Variants in DSCAML1 observed in about 807,000 individuals in gnomAD.
DSCAML1 encodes the protein DS cell adhesion molecule like 1, also known as cell adhesion molecule DSCAML1.
Under a neutral mutation model 200.5 loss-of-function variants are expected in DSCAML1, and 38 were observed. The observed-to-expected ratio is 0.19, with a 90% confidence interval of 0.15 to 0.25. The LOEUF (loss-of-function observed/expected upper bound fraction) is 0.25, where lower values mean the gene tolerates loss of function less well. Ranked by LOEUF, DSCAML1 falls within the 10% of genes least tolerant of loss-of-function variation. The pLI is 1.00. For missense variants in DSCAML1, 2,223 were observed against 2,858.8 expected, an observed-to-expected ratio of 0.78 and a Z score of 5.07; for synonymous variants, 1,215 against 1,165.0, an observed-to-expected ratio of 1.04 and a Z score of -0.87.
intron 19 of DSCAML1, 146 bp from the exon 20 acceptor site, chr11:117,450,834 T>G: frequency 4.5e-6 from 4 of 886,614 alleles, no homozygotes; most frequent in Non-Finnish European, 6.7e-6. Context: ...AAGGGGAGGG[T>G]CCATCCAGCA....
chr11:117,511,962 G>A (rs2049628727), intron 8 of DSCAML1, among the ~76,000 whole-genome samples: 1 of 152,260 alleles, frequency 6.6e-6, no homozygotes, highest in African/African-American at 2.4e-5. Context: ...TTGGGCGTGT[G>A]CTGCTGTTCG....
At chr11:117,671,561 C>T (rs2053107807) in intron 3 of DSCAML1, among the ~76,000 whole-genome samples, 1 of 152,198 alleles carries the variant, frequency 6.6e-6, no homozygotes, top group Non-Finnish European at 1.5e-5. Flanking sequence ...GTTCCAAATG[C>T]AGCCTAACTG....
At chr11:117,543,389 T>C (rs1045806320) in intron 3 of DSCAML1, among the ~76,000 whole-genome samples, 15 of 151,860 alleles carry the variant, frequency 9.9e-5, no homozygotes, top group African/African-American at 3.1e-4. Context: ...TGTGTATCTG[T>C]GCTGGCATGT....
At chr11:117,460,378 G>C (rs1022927126) in intron 18 of DSCAML1, among the ~76,000 whole-genome samples, 2 of 152,120 alleles carry the variant, frequency 1.3e-5, no homozygotes, top group African/African-American at 4.8e-5. Context: ...ATCTGGATGG[G>C]AGAGGGGACC....
Position 117,476,185 on chromosome 11 carries a change from G to T in DSCAML1, c.2786-4149C>A, listed in dbSNP as rs115252106. On this transcript the variant is annotated intron_variant, in intron 14 of 32. Transcript: ENST00000651296. ...ATATTCTTCTTAAAAATAAGGAAGC[G>T]GCTGGGGAGATGTCAGTGCCTTCTG... Among the ~76,000 whole-genome samples, 533 of 152,228 alleles carry T rather than the reference G, an allele frequency of 3.5e-3. 6 individuals carry two copies. The highest frequency in any genetic ancestry group is 0.012 in the African/African-American group (514 of 41,536).
At chr11:117,629,610 G>A (rs896498721) in intron 3 of DSCAML1, among the ~76,000 whole-genome samples, 1 of 151,914 alleles carries the variant, frequency 6.6e-6, no homozygotes, top group African/African-American at 2.4e-5. Context: ...GGGAGAGATG[G>A]ACAGAGACAG....
chr11:117,707,724 G>A (rs1024970646), intron 3 of DSCAML1, among the ~76,000 whole-genome samples: 27 of 152,004 alleles, frequency 1.8e-4, no homozygotes, highest in Non-Finnish European at 2.8e-4. Context: ...TAGTAGAGAC[G>A]GGGTTTCACC....
chr11:117,486,910 CCTTT>C (rs1941195663), intron 11 of DSCAML1, among the ~76,000 whole-genome samples: 1 of 110,382 alleles, frequency 9.1e-6, no homozygotes, highest in East Asian at 3.3e-4. Context: ...ATGTAAAATA[CCTTT>C]TTTTTTTTTT....
intron 32 of DSCAML1, 30 bp downstream of exon 32, chr11:117,430,692 C>T: frequency 6.3e-7 from 1 of 1,581,668 alleles, no homozygotes; most frequent in South Asian, 1.2e-5. Context: ...GGCGGGGGGG[C>T]ACTGCCTGGG....
chr11:117,554,036 T>C (rs1404488853), intron 3 of DSCAML1, among the ~76,000 whole-genome samples: 2 of 152,222 alleles, frequency 1.3e-5, no homozygotes, highest in African/African-American at 4.8e-5. Flanking sequence ...TTATCCTTAG[T>C]AAAATAAGGC....
intron 16 of DSCAML1, among the ~76,000 whole-genome samples, chr11:117,467,261 AT>A (rs1214703079): frequency 7.4e-6 from 1 of 135,370 alleles, no homozygotes; most frequent in Admixed American, 8.9e-5. Context: ...ATCCAGACCC[AT>A]CAAAGCAAAC....
intron 16 of DSCAML1, among the ~76,000 whole-genome samples, chr11:117,467,518 TC>T (rs2048607950): frequency 6.6e-6 from 1 of 152,230 alleles, no homozygotes; most frequent in African/African-American, 2.4e-5. Flanking sequence ...TGTTTTTTTT[TC>T]TAGTCAATGA....
chr11:117,500,642 T>C (rs1253835638), intron 11 of DSCAML1, among the ~76,000 whole-genome samples: 1 of 152,200 alleles, frequency 6.6e-6, no homozygotes, highest in Non-Finnish European at 1.5e-5. Context: ...CTAAAGTCTG[T>C]GCTTTTAATC....
In DSCAML1 at chr11:117,649,041, A is replaced by ATATG. The variant is rs768621807; in HGVS notation, c.512-116520_512-116519insCATA. ...TCTCGCTCTCTCTCTCTCCATATATATGTGTGTGTGTGTGTGTGTGTGTGT... is the reference window on the plus strand; with the variant it reads ...TCTCGCTCTCTCTCTCTCCATATATATATGTGTGTGTGTGTGTGTGTGTGTGTGT... On this transcript the variant is annotated intron_variant, in intron 3 of 32. Transcript: ENST00000651296. 6.9e-3 allele frequency among the ~76,000 whole-genome samples: 951 copies of ATATG among 137,916 alleles called. 7 individuals carry two copies. The highest frequency in any genetic ancestry group is 0.016 in the African/African-American group (542 of 34,964). The allele number at this position is 137,916 out of a possible 152,430, so 90.5% of individuals were successfully genotyped here. A position where few individuals can be genotyped will look rare whatever the true frequency, so the allele number is the denominator to read the frequency against.
chr11:117,599,808 G>A (rs142426243), intron 3 of DSCAML1, among the ~76,000 whole-genome samples: 252 of 152,266 alleles, frequency 1.7e-3, no homozygotes, highest in Admixed American at 2.6e-3. Context: ...CAATAGCGAC[G>A]CACGCTTACT....
At chr11:117,553,059 G>T (rs2050496502) in intron 3 of DSCAML1, among the ~76,000 whole-genome samples, 1 of 152,172 alleles carries the variant, frequency 6.6e-6, no homozygotes, top group Non-Finnish European at 1.5e-5. Context: ...ATGAGATCAA[G>T]TTTCTTGAGG....
intron 4 of DSCAML1, among the ~76,000 whole-genome samples, chr11:117,528,842 G>A (rs2050023286): frequency 6.6e-6 from 1 of 152,218 alleles, no homozygotes; most frequent in Middle Eastern, 3.2e-3. Context: ...GAATGATTAT[G>A]ATTAGGTTGT....
At chr11:117,443,753 C>A in intron 21 of DSCAML1, 133 bp downstream of exon 21, 2 of 1,263,770 alleles carry the variant, frequency 1.6e-6, no homozygotes, top group Non-Finnish European at 2.2e-6. Flanking sequence ...GGGAGGCAGG[C>A]GGGTGGCCAG....
chr11:117,559,538 C>A (rs1180244734), intron 3 of DSCAML1, among the ~76,000 whole-genome samples: 1 of 152,178 alleles, frequency 6.6e-6, no homozygotes, highest in Non-Finnish European at 1.5e-5. Context: ...CTGAAATGTA[C>A]CCTTCCTTTA....
Sources: allele counts gnomAD v4.1 joint callset (sites outside exome capture counted in the v4.1 genomes callset), GRCh38; gene constraint gnomAD v4.1.1; transcripts MANE v1.5; gene names NCBI Gene and HGNC (gene_info 2026-07-23, HGNC 2026-07-21).